Variants in MATN2 observed in about 807,000 individuals in gnomAD.
MATN2 encodes the protein matrilin-2.
In MATN2, 69 loss-of-function variants were observed where a neutral mutation model predicts 103.2. That is an observed-to-expected ratio of 0.67 (90% CI 0.55 to 0.82). MATN2 has a LOEUF of 0.82. MATN2 is among the 40% of genes least tolerant of loss of function. The pLI, the probability that MATN2 is intolerant of heterozygous loss-of-function variation, is 0.00. For synonymous variants in MATN2, 429 were observed against 450.2 expected, an observed-to-expected ratio of 0.95 and a Z score of 0.60; for missense variants, 1,023 against 1,211.5, an observed-to-expected ratio of 0.84 and a Z score of 2.31.
chr8:97,918,652 A>G (rs1370024993), intron 2 of MATN2, among the ~76,000 whole-genome samples: 3 of 152,210 alleles, frequency 2.0e-5, no homozygotes, highest in African/African-American at 4.8e-5. Flanking sequence ...ATTTGCACTT[A>G]GGCGACTGTG....
intron 2 of MATN2, among the ~76,000 whole-genome samples, chr8:97,913,314 AT>A (rs5893435): frequency 0.12 from 16,211 of 136,920 alleles, 1,037 homozygotes; most frequent in Admixed American, 0.24. Context: ...ACAGCAATCG[AT>A]TTTTTTTTTT....
intron 2 of MATN2, among the ~76,000 whole-genome samples, chr8:97,906,695 G>T (rs1819181059): frequency 6.6e-6 from 1 of 152,234 alleles, no homozygotes; most frequent in African/African-American, 2.4e-5. Flanking sequence ...CTGAATGCCT[G>T]TGTGCAGATC....
intron 10 of MATN2, among the ~76,000 whole-genome samples, chr8:98,008,232 T>C (rs1380314104): frequency 2.3e-5 from 1 of 44,382 alleles, no homozygotes; most frequent in East Asian, 6.3e-4. Flanking sequence ...CTTGTCTCAA[T>C]TAAAAAAAAA....
At position 98,020,782 on chromosome 8, in the gene MATN2, G is replaced by C. The variant is rs538477711; in HGVS notation, c.1820-423G>C. Among the ~76,000 whole-genome samples, 5 of 152,332 alleles carry C rather than the reference G, an allele frequency of 3.3e-5. No homozygotes were observed. In the East Asian group the frequency reaches 9.6e-4, roughly 29 times the overall value. On this transcript the variant is annotated intron_variant, in intron 12 of 18. Coordinates refer to ENST00000254898, the MANE Select transcript of MATN2 (RefSeq NM_002380.5). ...GGATCTAATTCTTCATTGATACCTT[G>C]AGAATAATTATCCCTGTCTTCCTTG...
chr8:97,985,438 T>C (rs1006553642), intron 6 of MATN2, among the ~76,000 whole-genome samples: 1 of 152,188 alleles, frequency 6.6e-6, no homozygotes, highest in East Asian at 1.9e-4. Context: ...CTGTAGCAGA[T>C]ATGCACACCT....
intron 6 of MATN2, among the ~76,000 whole-genome samples, chr8:97,988,174 AT>A: frequency 1.1e-5 from 1 of 92,922 alleles, no homozygotes; most frequent in African/African-American, 5.1e-5. Flanking sequence ...AAAAAAAAAT[AT>A]ATATATATAT....
intron 1 of MATN2, among the ~76,000 whole-genome samples, chr8:97,875,553 A>G (rs534581939): frequency 1.3e-5 from 2 of 152,140 alleles, no homozygotes; most frequent in East Asian, 1.9e-4. Flanking sequence ...CCCCCTTTGG[A>G]CCCCAAATAA....
At chr8:97,936,448 A>AC (rs1178561059) in intron 3 of MATN2, among the ~76,000 whole-genome samples, 1 of 151,628 alleles carries the variant, frequency 6.6e-6, no homozygotes, top group Non-Finnish European at 1.5e-5. Context: ...CACTGATGGC[A>AC]CCCCTTTGAG....
In MATN2 at chr8:98,030,632, G is replaced by T. The variant is rs375168631; in HGVS notation, c.2509+18G>T. 2 of 1,603,964 alleles carry T rather than the reference G, an allele frequency of 1.2e-6. No individual in the cohort carries two copies. Among genetic ancestry groups the T allele is most frequent in the Non-Finnish European group, 1.7e-6 (2 of 1,176,742 alleles). On this transcript the variant is annotated intron_variant, in intron 15 of 18. Transcript: ENST00000254898. The stretch of plus-strand genomic sequence containing the variant: ...CTGTGAAGGTACTATAGCTTACGCC[G>T]AAGACCTTAGCAAACAAGGCAGCAT...
chr8:97,888,880 C>A (rs1427345701), intron 2 of MATN2, among the ~76,000 whole-genome samples: 1 of 152,132 alleles, frequency 6.6e-6, no homozygotes, highest in Admixed American at 6.5e-5. Context: ...TCAAGTCCTG[C>A]CTCTGCTACT....
intron 18 of MATN2, among the ~76,000 whole-genome samples, chr8:98,034,613 C>T (rs578055262): frequency 6.6e-6 from 1 of 152,240 alleles, no homozygotes; most frequent in South Asian, 2.1e-4. Context: ...CAGGGAAGAC[C>T]AATACCTATT....
In MATN2 at chr8:97,887,885, C is replaced by T. The variant is rs1019578772; in HGVS notation, c.-26-190C>T. ...AAATTCCAACTATGCATGCCCTGCT[C>T]GGAGCGTCCAAGAAGAGCCTACCAA... On this transcript the variant is annotated intron_variant, in intron 1 of 18. Coordinates refer to ENST00000254898, the MANE Select transcript of MATN2 (RefSeq NM_002380.5). 9.8e-6 allele frequency: 5 copies of T among 510,398 alleles called. No homozygotes were observed. In the Admixed American group the frequency reaches 2.1e-4, roughly 21 times the overall value. The allele number at this position is 510,398 out of a possible 1,614,324, so 31.6% of individuals were successfully genotyped here.
rs574604419 is a variant in MATN2 at position 97,952,495 on chromosome 8, G to A, written c.836-8913G>A. Among the ~76,000 whole-genome samples, 6 of 152,246 alleles carry A rather than the reference G, an allele frequency of 3.9e-5. No homozygotes were observed. In the East Asian group the frequency reaches 5.8e-4, roughly 15 times the overall value. On this transcript the variant is annotated intron_variant, in intron 4 of 18. Coordinates refer to ENST00000254898, the MANE Select transcript of MATN2 (RefSeq NM_002380.5). ...TCCCCCCTCAGTTCTGCCTCCTTCCGGTGTAAGCAGATGAAAGTTTCCAAG... is the reference window on the plus strand; with the variant it reads ...TCCCCCCTCAGTTCTGCCTCCTTCCAGTGTAAGCAGATGAAAGTTTCCAAG...
chr8:97,872,780 C>T (rs1563636298), intron 1 of MATN2, among the ~76,000 whole-genome samples: 1 of 151,024 alleles, frequency 6.6e-6, no homozygotes, highest in Non-Finnish European at 1.5e-5. Flanking sequence ...CTAAGTTAAT[C>T]ACATCTCCAA....
Position 97,941,877 on chromosome 8 carries a change from C to A in MATN2, c.813C>A (p.Asn271Lys). The stretch of plus-strand genomic sequence containing the variant: ...GGTGCAAACAAGGCTACATTCTCAA[C>A]TCGGATCAGACGACTTGCAGAAGTA... ...VCRCKQGYILNSDQTTCRIQD... is the reference protein window; with the variant it reads ...VCRCKQGYILKSDQTTCRIQD... The change falls in exon 4 of 19, where the codon AAC becomes AAA. Residue 271 changes from asparagine (N) to lysine (K), a missense_variant. Coordinates refer to ENST00000254898, the MANE Select transcript of MATN2 (RefSeq NM_002380.5). The A allele has an allele frequency of 6.2e-7, 1 of 1,613,526 alleles. No individual in the cohort carries two copies. Among genetic ancestry groups the A allele is most frequent in the Non-Finnish European group, 8.5e-7 (1 of 1,179,572 alleles).
intron 7 of MATN2, 95 bp downstream of exon 7, chr8:97,994,697 G>A: frequency 2.2e-6 from 3 of 1,357,046 alleles, no homozygotes; most frequent in South Asian, 2.8e-5. Context: ...AGATGTGCTT[G>A]TATTCAGCAT....
At chr8:98,032,414 C>A in intron 16 of MATN2, 97 bp downstream of exon 16, 3 of 912,152 alleles carry the variant, frequency 3.3e-6, no homozygotes, top group South Asian at 3.1e-5. Context: ...TAAGTATGTT[C>A]AAATTATGAT....
At chr8:97,959,530 T>C (rs1811240786) in intron 4 of MATN2, among the ~76,000 whole-genome samples, 4 of 152,242 alleles carry the variant, frequency 2.6e-5, no homozygotes, top group Admixed American at 2.6e-4. Context: ...AAAATCTACA[T>C]TGGACTTTCT....
In MATN2 at chr8:97,931,550, T is replaced by TA; in HGVS notation, c.712+29dup. On this transcript the variant is annotated intron_variant, in intron 3 of 18. Transcript: ENST00000254898. This position sits in a 1 kb window ranked among gnomAD's most constrained non-coding sequence, Gnocchi z 4.1. ...AAGTCCTGCTCCTTTGTCACTCTTC[T>TA]AGAGGAACCACTAGAATTCATTCAT... 1 of 1,547,860 alleles carries TA rather than the reference T, an allele frequency of 6.5e-7. No individual in the cohort carries two copies. Among genetic ancestry groups the TA allele is most frequent in the African/African-American group, 1.4e-5 (1 of 73,296 alleles).
Sources: gnomAD v4.1 joint callset for allele counts (sites outside exome capture counted in the v4.1 genomes callset) on GRCh38, gnomAD v4.1.1 for gene constraint, Gnocchi (gnomAD v3.1) non-coding constraint, MANE v1.5 for transcripts, NCBI Gene and HGNC (gene_info 2026-07-23, HGNC 2026-07-21) for gene names.